Variants in GRID2 observed in about 807,000 individuals in gnomAD.
The protein encoded by GRID2 is glutamate ionotropic receptor delta type subunit 2.
GRID2 carries 33 observed loss-of-function variants against 114.8 expected under a neutral mutation model. That is an observed-to-expected ratio of 0.29 (90% CI 0.22 to 0.38). The LOEUF is 0.38. GRID2 is among the 10% of genes least tolerant of loss of function. The pLI, the probability that GRID2 is intolerant of heterozygous loss-of-function variation, is 1.00. For missense variants in GRID2, 1,184 were observed against 1,257.7 expected (o/e 0.94, Z 0.89); for synonymous variants, 505 against 449.9 (o/e 1.12, Z -1.55).
intron 14 of GRID2, among the ~76,000 whole-genome samples, chr4:93,678,875 A>T (rs1725201543): frequency 6.6e-6 from 1 of 151,114 alleles, no homozygotes; most frequent in Non-Finnish European, 1.5e-5. Flanking sequence ...TCAACTAACA[A>T]GCAAAATAAC....
chr4:93,680,020 T>C (rs1725348818), intron 14 of GRID2, among the ~76,000 whole-genome samples: 2 of 151,124 alleles, frequency 1.3e-5, no homozygotes, highest in South Asian at 2.1e-4. Flanking sequence ...ACAAAATTGA[T>C]AGACCGCTAG....
At chr4:92,634,704 T>G (rs62309165) in intron 2 of GRID2, among the ~76,000 whole-genome samples, 8,426 of 150,528 alleles carry the variant, frequency 0.056, 302 homozygotes, top group East Asian at 0.16. Flanking sequence ...TGGAAGAAAC[T>G]AAATGACAGG....
At chr4:92,843,816 CAATGTAGAATCTGA>C (rs569113346) in intron 2 of GRID2, among the ~76,000 whole-genome samples, 35 of 152,148 alleles carry the variant, frequency 2.3e-4, no homozygotes, top group South Asian at 2.3e-3. Context: ...GTTTTAGTTG[CAATGTAGAATCTGA>C]AATCATATCA....
At chr4:93,367,615 G>C (rs748931500) in intron 8 of GRID2, among the ~76,000 whole-genome samples, 2 of 152,114 alleles carry the variant, frequency 1.3e-5, no homozygotes, top group Non-Finnish European at 2.9e-5. Context: ...TTTTTTGATA[G>C]CTTTACAGCC....
In GRID2 at chr4:92,390,492, C is replaced by T. The variant is rs151302240; in HGVS notation, c.88+85748C>T. 5.4e-3 allele frequency among the ~76,000 whole-genome samples: 815 copies of T among 152,058 alleles called. 11 individuals are homozygous for T. The highest frequency in any genetic ancestry group is 0.018 in the African/African-American group (758 of 41,486). On this transcript the variant is annotated intron_variant, in intron 1 of 15. Transcript: ENST00000282020. ...CTGTGTTTAGTTCTGGCCCTGACTG[C>T]GGAGGGAGGTTAATAGAATGGATCA...
chr4:93,659,302 T>C (rs1723282565), intron 14 of GRID2, among the ~76,000 whole-genome samples: 1 of 152,200 alleles, frequency 6.6e-6, no homozygotes, highest in African/African-American at 2.4e-5. Context: ...CTCACACTTA[T>C]GGGTGCATAT....
chr4:92,697,296 G>A (rs542526351), intron 2 of GRID2, among the ~76,000 whole-genome samples: 5 of 152,164 alleles, frequency 3.3e-5, no homozygotes, highest in South Asian at 2.1e-4. Context: ...GAAATGAAGC[G>A]GAGGCTGTTC....
intron 1 of GRID2, among the ~76,000 whole-genome samples, chr4:92,507,649 G>T (rs1189324323): frequency 1.3e-5 from 2 of 151,636 alleles, no homozygotes; most frequent in African/African-American, 2.4e-5. Flanking sequence ...ATCTATCTTA[G>T]CAGTGAGTAC....
intron 14 of GRID2, among the ~76,000 whole-genome samples, chr4:93,679,254 A>T (rs968733681): frequency 6.6e-6 from 1 of 151,174 alleles, no homozygotes; most frequent in Non-Finnish European, 1.5e-5. Flanking sequence ...GGCACCCAAT[A>T]CAGGAGCACC....
intron 1 of GRID2, among the ~76,000 whole-genome samples, chr4:92,562,274 A>G (rs1445818813): frequency 2.0e-5 from 3 of 152,196 alleles, no homozygotes; most frequent in African/African-American, 7.2e-5. Flanking sequence ...GCTGTTCTCT[A>G]AGTGCCATAG....
chr4:92,573,206 T>C (rs1353741617), intron 1 of GRID2, among the ~76,000 whole-genome samples: 1 of 152,182 alleles, frequency 6.6e-6, no homozygotes, highest in Non-Finnish European at 1.5e-5. Flanking sequence ...ATTTGAATAT[T>C]ATTTCTTTTC....
At chr4:92,732,990 G>C (rs1736402219) in intron 2 of GRID2, among the ~76,000 whole-genome samples, 1 of 152,052 alleles carries the variant, frequency 6.6e-6, no homozygotes, top group Non-Finnish European at 1.5e-5. Context: ...TTATATGTAT[G>C]AGATTGGTTT....
chr4:93,808,564 G>C (rs955095671), exon 2 of GRID2: 1 of 152,190 alleles, frequency 6.6e-6, no homozygotes, highest in African/African-American at 2.4e-5. Flanking sequence ...AGAAGATGAA[G>C]TACATGCCTT....
chr4:93,615,558 G>A (rs1472870934), intron 13 of GRID2, among the ~76,000 whole-genome samples: 1 of 150,824 alleles, frequency 6.6e-6, no homozygotes, highest in Non-Finnish European at 1.5e-5. Flanking sequence ...TCAACACACT[G>A]TCTTCCACAA....
intron 1 of GRID2, among the ~76,000 whole-genome samples, chr4:92,414,941 G>A (rs533475018): frequency 7.2e-5 from 11 of 152,058 alleles, no homozygotes; most frequent in African/African-American, 2.7e-4. Context: ...TTCCATGAAA[G>A]TTTTCATTCA....
intron 2 of GRID2, among the ~76,000 whole-genome samples, chr4:93,048,118 A>G (rs926176988): frequency 6.6e-6 from 1 of 152,030 alleles, no homozygotes; most frequent in African/African-American, 2.4e-5. Context: ...TGCCCCACTC[A>G]GGATGACGGT....
chr4:92,386,609 T>G (rs975471099), intron 1 of GRID2, among the ~76,000 whole-genome samples: 2 of 151,768 alleles, frequency 1.3e-5, no homozygotes, highest in Admixed American at 1.3e-4. Flanking sequence ...CAGAATATAT[T>G]TATGATTAAA....
intron 8 of GRID2, among the ~76,000 whole-genome samples, chr4:93,296,993 A>G (rs1319445498): frequency 1.2e-4 from 18 of 152,180 alleles, no homozygotes; most frequent in Non-Finnish European, 1.5e-5. Context: ...ATATATTGGT[A>G]TTGTCAATTA....
At chr4:92,889,347 T>G (rs183346091) in intron 2 of GRID2, among the ~76,000 whole-genome samples, 71 of 152,292 alleles carry the variant, frequency 4.7e-4, no homozygotes, top group African/African-American at 1.7e-3. Flanking sequence ...GCAGATGACA[T>G]GATTGTATAT....
Sources: allele counts gnomAD v4.1 joint callset (sites outside exome capture counted in the v4.1 genomes callset), GRCh38; gene constraint gnomAD v4.1.1; transcripts MANE v1.5; gene names NCBI Gene and HGNC (gene_info 2026-07-23, HGNC 2026-07-21).